Variants in GART observed in about 807,000 individuals in gnomAD.
The protein encoded by GART is trifunctional purine biosynthetic protein adenosine-3.
GART carries 43 observed loss-of-function variants against 107.2 expected under a neutral mutation model. The observed-to-expected ratio is 0.40, with a 90% CI of 0.31 to 0.52. The LOEUF is 0.52. GART is among the 20% of genes least tolerant of loss of function. GART has a pLI of 0.52. For synonymous variants in GART, 434 were observed against 427.0 expected (o/e 1.02, Z -0.20); for missense variants, 1,107 against 1,206.5 (o/e 0.92, Z 1.22).
At chr21:33,504,374 A>T (rs2145665891) in intron 21 of GART, 38 bp downstream of exon 21, 1 of 1,608,040 alleles carries the variant, frequency 6.2e-7, no homozygotes. Flanking sequence ...TTTACATCTG[A>T]CTACTAATAT....
intron 16 of GART, among the ~76,000 whole-genome samples, chr21:33,516,788 G>A (rs2084887047): frequency 6.6e-6 from 1 of 152,092 alleles, no homozygotes; most frequent in South Asian, 2.1e-4. Flanking sequence ...CCAATTACAT[G>A]ACAATATTTT....
In GART at chr21:33,528,875, C is replaced by G; in HGVS notation, c.786G>C (p.Met262Ile). The G allele has an allele frequency of 6.2e-7, 1 of 1,613,224 alleles. No individual in the cohort carries two copies. The change falls in exon 8 of 22, where the codon ATG becomes ATC. Residue 262 changes from methionine to isoleucine, a missense_variant. Coordinates refer to ENST00000381815, the MANE Select transcript of GART (RefSeq NM_000819.5). ...CTGTATATGGAGTACCCTCTTGCTG[C>G]ATGCCATCCACTGTCCTCTGAAGAA... ...DTVLQRTVDG[M>I]QQEGTPYTGI...
At position 33,517,934 on chromosome 21, in the gene GART, T is replaced by C. The variant is rs141237104; in HGVS notation, c.1703-326A>G. Among the ~76,000 whole-genome samples, 166 of 152,370 alleles carry C rather than the reference T, an allele frequency of 1.1e-3. 1 individual carries two copies. The highest frequency in any genetic ancestry group is 6.8e-3 in the Middle Eastern group (2 of 294). On this transcript the variant is annotated intron_variant, in intron 14 of 21. Transcript: ENST00000381815. ...CTGTTTAGTTTCAAAACTGCTTTCA[T>C]ATGTATTTGATCTTTATAATCAGTC...
chr21:33,534,833 C>A, intron 3 of GART, 80 bp from the exon 4 acceptor site: 1 of 1,258,952 alleles, frequency 7.9e-7, no homozygotes, highest in East Asian at 2.5e-5. Flanking sequence ...TAGTATCAGA[C>A]TATATCTACA....
At position 33,528,616 on chromosome 21, in the gene GART, AAG is replaced by A. The variant is rs759201048; in HGVS notation, c.812-14_812-13del. On this transcript the variant is annotated splice_polypyrimidine_tract_variant and intron_variant, in intron 8 of 21. Coordinates refer to ENST00000381815, the MANE Select transcript of GART (RefSeq NM_000819.5). ...AGCATAGAGAATACCTTCATTAAAAAAGAAAAAAAAAAAAAAGAGAGAAAGAA... is the reference window on the plus strand; with the variant it reads ...AGCATAGAGAATACCTTCATTAAAAAAAAAAAAAAAAAAAGAGAGAAAGAA... 8 of 1,447,546 alleles carry A rather than the reference AAG, an allele frequency of 5.5e-6. No individual in the cohort carries two copies. The highest frequency in any genetic ancestry group is 2.6e-5 in the South Asian group (2 of 77,820). 89.7% of individuals were successfully genotyped at this position (1,447,546 alleles called of 1,614,324 possible). A position where few individuals can be genotyped will look rare whatever the true frequency, so the allele number is the denominator to read the frequency against.
rs561502471 is a variant in GART, at chr21:33,504,056, A to AT, written c.*67dup. The AT allele has an allele frequency of 1.0e-4, 144 of 1,435,324 alleles. No individual in the cohort carries two copies. In the African/African-American group the frequency reaches 1.9e-3, roughly 19 times the overall value. 88.9% of individuals were successfully genotyped at this position (1,435,324 alleles called of 1,614,324 possible). A position where few individuals can be genotyped will look rare whatever the true frequency, so the allele number is the denominator to read the frequency against. On this transcript the variant is annotated 3_prime_UTR_variant, in exon 22 of 22. Coordinates refer to ENST00000381815, the MANE Select transcript of GART (RefSeq NM_000819.5). ...GTTTTTCTTTTGGGCCAAGTCCATG[A>AT]TAAAAAACCACCATGCAAACAGCAA...
intron 1 of GART, among the ~76,000 whole-genome samples, chr21:33,541,360 T>C (rs951805217): frequency 2.0e-5 from 3 of 152,226 alleles, no homozygotes; most frequent in Non-Finnish European, 2.9e-5. Flanking sequence ...TTGGCCAGGC[T>C]GGTCTCGAAC....
Position 33,536,416 on chromosome 21 carries a change from T to C in GART, c.146-1096A>G, listed in dbSNP as rs535449997. Among the ~76,000 whole-genome samples the C allele has an allele frequency of 1.5e-4, 23 of 152,314 alleles. No individual in the cohort carries two copies. In the South Asian group the frequency reaches 4.1e-3, roughly 27 times the overall value. The stretch of plus-strand genomic sequence containing the variant: ...CCACCATTCGTTAAGTCAGCTGAAG[T>C]GTGCAATCACTCTGCCATTGGTACA... On this transcript the variant is annotated intron_variant, in intron 2 of 21. Coordinates refer to ENST00000381815, the MANE Select transcript of GART (RefSeq NM_000819.5).
At chr21:33,516,389 T>A (rs947323592) in intron 16 of GART, among the ~76,000 whole-genome samples, 1 of 152,212 alleles carries the variant, frequency 6.6e-6, no homozygotes, top group African/African-American at 2.4e-5. Flanking sequence ...TCCCTCATTC[T>A]CTTGGCTATA....
At chr21:33,533,861 C>T (rs550158893) in intron 4 of GART, among the ~76,000 whole-genome samples, 5 of 151,700 alleles carry the variant, frequency 3.3e-5, no homozygotes, top group South Asian at 4.2e-4. Flanking sequence ...GCCAAGATCA[C>T]GCCACTGCAC....
intron 4 of GART, 50 bp downstream of exon 4, chr21:33,534,518 GACCTGTGTATT>G (rs2085266740): frequency 6.3e-7 from 1 of 1,576,560 alleles, no homozygotes; most frequent in East Asian, 2.2e-5. Context: ...CCTGGCCACT[GACCTGTGTATT>G]TAAATATCAA....
At chr21:33,509,585 T>G (rs1601174068) in intron 18 of GART, 198 bp downstream of exon 18, 1 of 430,962 alleles carries the variant, frequency 2.3e-6, no homozygotes, top group African/African-American at 2.0e-5. Context: ...CTGACATCCT[T>G]TACTTTTTTC....
chr21:33,514,247 G>A (rs999049548), intron 16 of GART, among the ~76,000 whole-genome samples: 5 of 152,034 alleles, frequency 3.3e-5, no homozygotes, highest in Non-Finnish European at 7.3e-5. Flanking sequence ...CAGTTGGGGC[G>A]ACAGAGTGAT....
chr21:33,504,521 A>C lies in GART; in HGVS notation c.2732T>G (p.Met911Arg), dbSNP rs753694575. The C allele has an allele frequency of 6.2e-7, 1 of 1,606,564 alleles. No individual in the cohort carries two copies. Among genetic ancestry groups the C allele is most frequent in the Non-Finnish European group, 8.5e-7 (1 of 1,174,540 alleles). ...GPFVQKWNGK[M>R]LNIHPSLLPS... ...GAGCAAGGATGGGTGGATATTGAGC[A>C]TTTTTCCTAAAAATTAAAAAAAGCA... is the stretch of plus-strand genomic sequence containing the variant. Residue 911 changes from methionine (M) to arginine (R), a missense_variant, in exon 21 of 22, where the codon ATG (methionine) becomes AGG (arginine). Coordinates refer to ENST00000381815, the MANE Select transcript of GART (RefSeq NM_000819.5).
chr21:33,505,954 T>C lies in GART; in HGVS notation c.2583+20A>G, dbSNP rs979360991. 2 of 1,613,736 alleles carry C rather than the reference T, an allele frequency of 1.2e-6. No homozygotes were observed. Among genetic ancestry groups the C allele is most frequent in the Non-Finnish European group, 1.7e-6 (2 of 1,179,824 alleles). ...GCTTAAATATGGCCCACAGCAAAGATATTTTCCCAAGTAACTTACTCTAGT... is the reference window on the plus strand; with the variant it reads ...GCTTAAATATGGCCCACAGCAAAGACATTTTCCCAAGTAACTTACTCTAGT... On this transcript the variant is annotated intron_variant, in intron 19 of 21. Transcript: ENST00000381815.
chr21:33,528,317 T>G lies in GART; in HGVS notation c.916A>C (p.Lys306Gln), dbSNP rs139615816. 1 of 1,614,066 alleles carries G rather than the reference T, an allele frequency of 6.2e-7. No homozygotes were observed. Among genetic ancestry groups the G allele is most frequent in the South Asian group, 1.1e-5 (1 of 91,050 alleles). The change falls in exon 10 of 22, where the codon AAA becomes CAA. Residue 306 changes from lysine to glutamine, a missense_variant. By Grantham distance (53) the Lys-to-Gln change is moderately conservative. Transcript: ENST00000381815. ...PECQVILPLL[K>Q]SDLYEVIQST... ...TGAATCACTTCATAAAGATCACTTT[T>G]AAGAAGTGGGAGGATTACCTGGAAA...
chr21:33,534,860 G>T, intron 3 of GART, 107 bp from the exon 4 acceptor site: 1 of 950,374 alleles, frequency 1.1e-6, no homozygotes, highest in Non-Finnish European at 1.5e-6. Flanking sequence ...CAAGGCAGAT[G>T]ACTGGTGGCA....
chr21:33,539,425 G>C, intron 1 of GART, 69 bp from the exon 2 acceptor site: 1 of 1,204,318 alleles, frequency 8.3e-7, no homozygotes, highest in Non-Finnish European at 1.2e-6. Context: ...GGGCACAGTG[G>C]CTCATGCCTG....
Position 33,529,183 on chromosome 21 carries a change from C to T in GART, c.724-246G>A, listed in dbSNP as rs58845356. On this transcript the variant is annotated intron_variant, in intron 7 of 21. Transcript: ENST00000381815. Reference sequence around the variant, plus strand: ...AAAGAACTAGCCAAAAATAACTTCCCGAAACGTAATAGAAATGAAACAAGT... The same window carrying T: ...AAAGAACTAGCCAAAAATAACTTCCTGAAACGTAATAGAAATGAAACAAGT... Among the ~76,000 whole-genome samples, 268 of 152,204 alleles carry T rather than the reference C, an allele frequency of 1.8e-3. 2 individuals are homozygous for T. The highest frequency in any genetic ancestry group is 6.2e-3 in the African/African-American group (257 of 41,528).
Sources: allele counts gnomAD v4.1 joint callset (sites outside exome capture counted in the v4.1 genomes callset), GRCh38; gene constraint gnomAD v4.1.1; transcripts MANE v1.5; gene names NCBI Gene and HGNC (gene_info 2026-07-23, HGNC 2026-07-21).